Variants in SLC4A4 observed in about 807,000 individuals in gnomAD.
SLC4A4 encodes solute carrier family 4 member 4.
In SLC4A4, 27 loss-of-function variants were observed where a neutral mutation model predicts 111.5. The ratio of observed to expected loss-of-function variants is 0.24; its 90% CI spans 0.18 to 0.33. The LOEUF is 0.33. SLC4A4 is among the 10% of genes least tolerant of loss of function. The probability of loss-of-function intolerance (pLI) is 1.00; values close to 1 mark genes in which losing one functional copy is unlikely to be tolerated. For missense variants in SLC4A4, 909 were observed against 1,315.5 expected, an observed-to-expected ratio of 0.69 and a Z score of 4.78; for synonymous variants, 443 against 463.4, an observed-to-expected ratio of 0.96 and a Z score of 0.57.
chr4:71,115,242 C>T lies in SLC4A4; in HGVS notation c.-2+22450C>T, dbSNP rs568382089. ...GGGAGATATACCTAATGCTAGATGA[C>T]GAGTTAGTGGGTGCAGCACACCAGC... On this transcript the variant is annotated intron_variant, in intron 2 of 26. Transcript: ENST00000649996. Among the ~76,000 whole-genome samples the T allele has an allele frequency of 6.1e-3, 907 of 149,710 alleles. 6 individuals are homozygous for T. The highest frequency in any genetic ancestry group is 8.1e-3 in the Non-Finnish European group (545 of 67,460).
intron 2 of SLC4A4, among the ~76,000 whole-genome samples, chr4:71,115,809 T>C (rs1743228140): frequency 6.6e-6 from 1 of 152,230 alleles, no homozygotes; most frequent in Admixed American, 6.5e-5. Context: ...TCTAAAATAT[T>C]TGAAATAATG....
rs368403008 is a variant in SLC4A4 at position 71,107,329 on chromosome 4, T to C, written c.-2+14537T>C. On this transcript the variant is annotated intron_variant, in intron 2 of 26. Coordinates refer to the SLC4A4 transcript ENST00000649996. ...CATTTCCGGCATTACTGTCTTCTTC[T>C]GTGTTTAGTTGACTTTTTGTTTTTG... Among the ~76,000 whole-genome samples, 76 of 152,238 alleles carry C rather than the reference T, an allele frequency of 5.0e-4. 1 individual carries two copies. Among genetic ancestry groups the C allele is most frequent in the African/African-American group, 1.6e-3 (68 of 41,550 alleles).
At chr4:71,566,932 T>C (rs1737525908) in intron 24 of SLC4A4, 72 bp from the exon 25 acceptor site, 1 of 1,241,840 alleles carries the variant, frequency 8.1e-7, no homozygotes, top group Non-Finnish European at 1.2e-6. Flanking sequence ...ATGCATCAAT[T>C]TTGTGAAGAT....
At chr4:71,524,160 T>C (rs1733211512) in intron 16 of SLC4A4, among the ~76,000 whole-genome samples, 1 of 152,126 alleles carries the variant, frequency 6.6e-6, no homozygotes, top group East Asian at 1.9e-4. Context: ...AGGCCTGCCA[T>C]CATTTTTCTT....
intron 6 of SLC4A4, among the ~76,000 whole-genome samples, chr4:71,382,796 G>T (rs537424201): frequency 1.3e-5 from 2 of 152,130 alleles, no homozygotes; most frequent in Admixed American, 6.5e-5. Context: ...CCCACCTTGT[G>T]GGGTATCTAA....
chr4:71,427,981 C>T (rs1309310122), intron 7 of SLC4A4, among the ~76,000 whole-genome samples: 1 of 152,138 alleles, frequency 6.6e-6, no homozygotes, highest in Non-Finnish European at 1.5e-5. Flanking sequence ...AAGAAGTCAG[C>T]TTGCTTCCTG....
chr4:71,301,900 G>A (rs971151191), intron 3 of SLC4A4, among the ~76,000 whole-genome samples: 3 of 152,218 alleles, frequency 2.0e-5, no homozygotes, highest in African/African-American at 7.2e-5. Context: ...CTTAGGCAGA[G>A]AATCCTTGTC....
At chr4:71,356,252 A>G (rs938723519) in intron 5 of SLC4A4, among the ~76,000 whole-genome samples, 1 of 152,230 alleles carries the variant, frequency 6.6e-6, no homozygotes, top group Non-Finnish European at 1.5e-5. Context: ...TATGAAACAC[A>G]GTCATCTTTC....
intron 16 of SLC4A4, among the ~76,000 whole-genome samples, chr4:71,498,880 A>G (rs1035751303): frequency 1.3e-5 from 2 of 152,116 alleles, no homozygotes; most frequent in African/African-American, 4.8e-5. Flanking sequence ...CTTACTTGAG[A>G]CTTTTGGTAG....
At chr4:71,529,175 A>G (rs1198114686) in intron 16 of SLC4A4, among the ~76,000 whole-genome samples, 15 of 152,066 alleles carry the variant, frequency 9.9e-5, no homozygotes. Flanking sequence ...TAATTTGAAA[A>G]ACAGCCCTGA....
intron 7 of SLC4A4, among the ~76,000 whole-genome samples, chr4:71,433,479 TA>T (rs562892057): frequency 4.2e-4 from 64 of 151,820 alleles, no homozygotes; most frequent in African/African-American, 1.4e-3. Flanking sequence ...ATATCTGCCA[TA>T]AAAAAAAGAA....
chr4:71,534,586 G>GA lies in SLC4A4; in HGVS notation c.2442+210dup, dbSNP rs71673479. Reference sequence around the variant, plus strand: ...CTTTAGGGAGAGCTCATTTAAATCTGAAAAAAAAAAAAGGTTTCAAATCAT... The same window carrying GA: ...CTTTAGGGAGAGCTCATTTAAATCTGAAAAAAAAAAAAAGGTTTCAAATCAT... On this transcript the variant is annotated intron_variant, in intron 18 of 25. Transcript: ENST00000264485. Among the ~76,000 whole-genome samples the GA allele has an allele frequency of 1.8e-3, 247 of 139,338 alleles. 1 individual carries two copies. Among genetic ancestry groups the GA allele is most frequent in the South Asian group, 0.013 (57 of 4,382 alleles). 91.4% of individuals were successfully genotyped at this position (139,338 alleles called of 152,430 possible).
intron 11 of SLC4A4, among the ~76,000 whole-genome samples, chr4:71,451,976 A>G (rs917493216): frequency 2.6e-5 from 4 of 152,210 alleles, no homozygotes; most frequent in Admixed American, 2.6e-4. Context: ...TGCTTCAGCT[A>G]ATTTCTTTCC....
chr4:71,270,328 G>A (rs1722613433), intron 3 of SLC4A4, among the ~76,000 whole-genome samples: 2 of 152,140 alleles, frequency 1.3e-5, no homozygotes, highest in Admixed American at 1.3e-4. Flanking sequence ...GACCTCAGGT[G>A]ATCCGCCCGC....
intron 6 of SLC4A4, 92 bp from the exon 7 acceptor site, chr4:71,397,485 T>A: frequency 9.1e-7 from 1 of 1,100,220 alleles, no homozygotes; most frequent in Non-Finnish European, 1.4e-6. Flanking sequence ...ACCATTTCCA[T>A]CATCATCTAC....
At chr4:71,564,878 A>G (rs1198268856) in intron 24 of SLC4A4, among the ~76,000 whole-genome samples, 1 of 151,868 alleles carries the variant, frequency 6.6e-6, no homozygotes, top group Non-Finnish European at 1.5e-5. Flanking sequence ...AAAAGAACAA[A>G]CATGTTTTCT....
At chr4:71,549,419 C>T (rs1433440239) in intron 20 of SLC4A4, among the ~76,000 whole-genome samples, 1 of 151,760 alleles carries the variant, frequency 6.6e-6, no homozygotes, top group Non-Finnish European at 1.5e-5. Context: ...ATGAATTTTC[C>T]CTGTGGGTTC....
chr4:71,290,334 G>GA (rs1023760099), intron 3 of SLC4A4, among the ~76,000 whole-genome samples: 2 of 152,168 alleles, frequency 1.3e-5, no homozygotes, highest in Non-Finnish European at 2.9e-5. Flanking sequence ...CAAGGGGGTG[G>GA]AGGCAGGCAA....
At chr4:71,289,098 C>T (rs1278489267) in intron 3 of SLC4A4, among the ~76,000 whole-genome samples, 1 of 151,910 alleles carries the variant, frequency 6.6e-6, no homozygotes, top group African/African-American at 2.4e-5. Flanking sequence ...AGGTTGGGAG[C>T]CAGGATTCCA....
Sources: allele counts gnomAD v4.1 joint callset (sites outside exome capture counted in the v4.1 genomes callset), GRCh38; gene constraint gnomAD v4.1.1; transcripts MANE v1.5; gene names NCBI Gene and HGNC (gene_info 2026-07-23, HGNC 2026-07-21).